The following HSD17B12 variants were observed in gnomAD, a reference collection of about 807,000 sequenced individuals.
HSD17B12 encodes the protein hydroxysteroid 17-beta dehydrogenase 12.
In HSD17B12, 32 loss-of-function variants were observed where a neutral mutation model predicts 39.3. That is an observed-to-expected ratio of 0.81 (90% CI 0.61 to 1.09). The LOEUF (loss-of-function observed/expected upper bound fraction) is 1.09, where lower values mean the gene tolerates loss of function less well. HSD17B12 is among the 50% of genes least tolerant of loss of function. HSD17B12 has a pLI of 0.00. For synonymous variants in HSD17B12, 150 were observed against 146.7 expected, an observed-to-expected ratio of 1.02 and a Z score of -0.16; for missense variants, 342 against 382.9, an observed-to-expected ratio of 0.89 and a Z score of 0.89.
intron 3 of HSD17B12, among the ~76,000 whole-genome samples, chr11:43,788,643 C>T (rs999982286): frequency 2.3e-5 from 3 of 131,116 alleles, no homozygotes; most frequent in Non-Finnish European, 4.6e-5. Context: ...CTTTTTATAA[C>T]AAGCTGTGTA....
intron 1 of HSD17B12, among the ~76,000 whole-genome samples, chr11:43,727,159 G>A (rs573671391): frequency 6.6e-6 from 1 of 152,306 alleles, no homozygotes; most frequent in South Asian, 2.1e-4. Flanking sequence ...AAAGAACTGA[G>A]GCATCACAGG....
intron 3 of HSD17B12, among the ~76,000 whole-genome samples, chr11:43,764,353 G>A (rs144484589): frequency 3.9e-5 from 6 of 152,236 alleles, no homozygotes; most frequent in African/African-American, 1.4e-4. Flanking sequence ...AGCCTCAGAA[G>A]TTTTGTCCTT....
At chr11:43,687,282 G>A (rs1949810155) in intron 1 of HSD17B12, among the ~76,000 whole-genome samples, 1 of 152,192 alleles carries the variant, frequency 6.6e-6, no homozygotes, top group Admixed American at 6.5e-5. Context: ...CCCTCACTGG[G>A]CTTGGTGGAG....
the HSD17B12 span, among the ~76,000 whole-genome samples, chr11:43,616,986 A>G: frequency 6.6e-5 from 10 of 151,506 alleles, no homozygotes; most frequent in African/African-American, 7.3e-5. Context: ...TAAAAAAAAA[A>G]AAAAAAGAAA....
the HSD17B12 span, among the ~76,000 whole-genome samples, chr11:43,557,430 G>A: frequency 6.6e-6 from 1 of 152,196 alleles, no homozygotes; most frequent in African/African-American, 2.4e-5. Context: ...AAAGAATCAC[G>A]GTATGGTGGT....
the HSD17B12 span, among the ~76,000 whole-genome samples, chr11:43,656,485 G>A: frequency 6.6e-6 from 1 of 152,024 alleles, no homozygotes; most frequent in African/African-American, 2.4e-5. Context: ...TCTTTTAATT[G>A]TGATGTTAGG....
chr11:43,775,264 T>C (rs1440237792), intron 3 of HSD17B12, among the ~76,000 whole-genome samples: 2 of 151,876 alleles, frequency 1.3e-5, no homozygotes, highest in Non-Finnish European at 2.9e-5. Context: ...TCAATTACAT[T>C]ACAGAAACAG....
chr11:43,780,005 G>A (rs969553053), intron 3 of HSD17B12, among the ~76,000 whole-genome samples: 1 of 152,108 alleles, frequency 6.6e-6, no homozygotes, highest in Non-Finnish European at 1.5e-5. Context: ...TTGCTGACCT[G>A]TATATTTGAG....
At chr11:43,750,781 G>A (rs1326967088) in intron 1 of HSD17B12, 130 bp from the exon 2 acceptor site, 5 of 529,370 alleles carry the variant, frequency 9.4e-6, no homozygotes, top group South Asian at 3.7e-5. Flanking sequence ...GATTTGAACC[G>A]CTGGTATTGT....
chr11:43,752,859 T>A, intron 2 of HSD17B12, among the ~76,000 whole-genome samples: 1 of 152,206 alleles, frequency 6.6e-6, no homozygotes, highest in East Asian at 1.9e-4. Flanking sequence ...GTTTTTTTAG[T>A]GGTGTTATAA....
At chr11:43,795,902 G>A (rs1252973669) in intron 3 of HSD17B12, among the ~76,000 whole-genome samples, 1 of 152,148 alleles carries the variant, frequency 6.6e-6, no homozygotes, top group African/African-American at 2.4e-5. Flanking sequence ...GGAAGGGCAT[G>A]AGGAGTGCTG....
At chr11:43,751,822 AC>A (rs1281985024) in intron 2 of HSD17B12, among the ~76,000 whole-genome samples, 2 of 152,122 alleles carry the variant, frequency 1.3e-5, no homozygotes, top group South Asian at 2.1e-4. Context: ...ATAACAGTTC[AC>A]CCCTAAATAT....
intron 1 of HSD17B12, among the ~76,000 whole-genome samples, chr11:43,735,097 G>A (rs141146125): frequency 6.1e-4 from 93 of 152,314 alleles, no homozygotes; most frequent in African/African-American, 2.1e-3. Context: ...GCATGTATCA[G>A]TACTTAATCC....
the HSD17B12 span, among the ~76,000 whole-genome samples, chr11:43,623,396 G>T: frequency 3.3e-4 from 46 of 138,874 alleles, no homozygotes; most frequent in East Asian, 6.1e-3. Flanking sequence ...TGTTTTTTTT[G>T]TTTTTTTTTT....
At chr11:43,641,806 A>G in the HSD17B12 span, among the ~76,000 whole-genome samples, 2 of 151,966 alleles carry the variant, frequency 1.3e-5, no homozygotes, top group Non-Finnish European at 3.0e-5. Context: ...AAATACATAC[A>G]TGAAAATCAG....
intron 3 of HSD17B12, among the ~76,000 whole-genome samples, chr11:43,789,857 A>G (rs918392787): frequency 6.6e-6 from 1 of 152,110 alleles, no homozygotes; most frequent in African/African-American, 2.4e-5. Flanking sequence ...TCTTGAACCC[A>G]GAAGGTCCAA....
the HSD17B12 span, among the ~76,000 whole-genome samples, chr11:43,579,788 G>C: frequency 2.0e-5 from 3 of 152,046 alleles, no homozygotes; most frequent in Admixed American, 6.5e-5. Context: ...ATGGGCGAAG[G>C]GGGTGGGTCG....
chr11:43,623,212 T>G, the HSD17B12 span, among the ~76,000 whole-genome samples: 24 of 152,152 alleles, frequency 1.6e-4, no homozygotes, highest in African/African-American at 5.1e-4. Flanking sequence ...ATAATTTATT[T>G]AAAATGACTT....
At chr11:43,782,138 G>A (rs1221326266) in intron 3 of HSD17B12, among the ~76,000 whole-genome samples, 3 of 152,132 alleles carry the variant, frequency 2.0e-5, no homozygotes, top group African/African-American at 7.2e-5. Flanking sequence ...AACTCGTTTT[G>A]CCCCTACAAA....
Sources: gnomAD v4.1 joint callset for allele counts (sites outside exome capture counted in the v4.1 genomes callset) on GRCh38, gnomAD v4.1.1 for gene constraint, MANE v1.5 for transcripts, NCBI Gene and HGNC (gene_info 2026-07-23, HGNC 2026-07-21) for gene names.